Variants in FANCE observed in about 807,000 individuals in gnomAD.
The protein encoded by FANCE is FA complementation group E, also known as Fanconi anemia group E protein.
In FANCE, 42 loss-of-function variants were observed where a neutral mutation model predicts 57.8. The observed-to-expected ratio is 0.73, with a 90% CI of 0.57 to 0.94. The LOEUF is 0.94. Among genes scored for constraint, FANCE ranks in the 40% least tolerant of loss-of-function variants. FANCE has a pLI of 0.00. For missense variants in FANCE, 608 were observed against 661.8 expected, an observed-to-expected ratio of 0.92 and a Z score of 0.89; for synonymous variants, 251 against 286.4, an observed-to-expected ratio of 0.88 and a Z score of 1.25.
In FANCE at chr6:35,459,694, CAG is replaced by C. The variant is rs1258879701; in HGVS notation, c.1253_1254del (p.Glu418ValfsTer49). ...GTCCTCTACCCAGGTCCTGCTCAAA[CAG>C]AGTTACTGTGTTGCCTTGTGAAGAT... On this transcript the variant is annotated frameshift_variant, in exon 7 of 10. Transcript: ENST00000229769. LOFTEE classifies it high-confidence loss of function. 6.2e-7 allele frequency: 1 copy of C among 1,614,190 alleles called. No individual in the cohort carries two copies. Among genetic ancestry groups the C allele is most frequent in the South Asian group, 1.1e-5 (1 of 91,082 alleles).
In FANCE at chr6:35,456,943, G is replaced by A. The variant is rs1011762798; in HGVS notation, c.855+590G>A. On this transcript the variant is annotated intron_variant, in intron 2 of 9. Coordinates refer to ENST00000229769, the MANE Select transcript of FANCE (RefSeq NM_021922.3). The surrounding 1 kb of genome is among the most constrained non-coding windows in gnomAD (Gnocchi z 4.3). The stretch of plus-strand genomic sequence containing the variant: ...GCTCTGGAGCCACCCCTGCTACCCC[G>A]TCATATGTGGGTGGGAAGAATCATG... Among the ~76,000 whole-genome samples the A allele has an allele frequency of 2.6e-5, 4 of 152,138 alleles. No individual in the cohort carries two copies. The highest frequency in any genetic ancestry group is 2.9e-5 in the Non-Finnish European group (2 of 68,010).
Position 35,456,183 on chromosome 6 carries a change from C to T in FANCE, c.685C>T (p.His229Tyr), listed in dbSNP as rs142737128. The T allele has an allele frequency of 1.2e-6, 2 of 1,614,142 alleles. No homozygotes were observed. The highest frequency in any genetic ancestry group is 2.7e-5 in the African/African-American group (2 of 75,038). ...ACGGTGTTGGGAAGAGGAAGAAGAT[C>T]ATGAGAAGGAGAGACCCGAACATAA... ...RLRCWEEEED[H>Y]EKERPEHKSL... The change falls in exon 2 of 10, where the codon CAT becomes TAT. Residue 229 changes from histidine to tyrosine, a missense_variant. By Grantham distance (83) the His-to-Tyr change is moderately conservative. Transcript: ENST00000229769. This position sits in a 1 kb window ranked among gnomAD's most constrained non-coding sequence, Gnocchi z 4.3.
Position 35,458,359 on chromosome 6 carries a change from C to G in FANCE, c.1032C>G (p.Leu344=), listed in dbSNP as rs1581702844. 1 of 1,614,214 alleles carries G rather than the reference C, an allele frequency of 6.2e-7. No individual in the cohort carries two copies. The highest frequency in any genetic ancestry group is 8.5e-7 in the Non-Finnish European group (1 of 1,180,032). Residue 344 remains leucine (L), a synonymous_variant, in exon 5 of 10, where the codon CTC becomes CTG. Transcript: ENST00000229769. ...TCTCAGACCTCGGTCTCCTGCGGCT[C>G]TGCACCTGGCTGCTGGCCCTTTCAC... The part of the protein sequence containing the change: ...PQLSDLGLLR[L]CTWLLALSPD...
chr6:35,462,452 C>T (rs1036596168), intron 8 of FANCE, among the ~76,000 whole-genome samples: 1 of 152,128 alleles, frequency 6.6e-6, no homozygotes, highest in African/African-American at 2.4e-5. Flanking sequence ...GGCAGTGTCT[C>T]TTGGGCCCTG....
chr6:35,462,110 A>AATT (rs374262698), intron 8 of FANCE, among the ~76,000 whole-genome samples: 1 of 115,786 alleles, frequency 8.6e-6, no homozygotes, highest in East Asian at 2.3e-4. Context: ...TAATAATAAT[A>AATT]ATTATTATTT....
At chr6:35,453,262 A>G (rs963518045) in intron 1 of FANCE, among the ~76,000 whole-genome samples, 2 of 152,162 alleles carry the variant, frequency 1.3e-5, no homozygotes, top group East Asian at 1.9e-4. Flanking sequence ...GTAACTGTGA[A>G]TCCATATTTT....
chr6:35,455,616 C>G, intron 1 of FANCE, 131 bp from the exon 2 acceptor site: 1 of 1,115,410 alleles, frequency 9.0e-7, no homozygotes, highest in South Asian at 1.2e-5. Flanking sequence ...TGGCCAACAT[C>G]CACTGACTCT....
Position 35,466,546 on chromosome 6 carries a change from G to A in FANCE, c.*201G>A. On this transcript the variant is annotated 3_prime_UTR_variant, in exon 10 of 10. Coordinates refer to ENST00000229769, the MANE Select transcript of FANCE (RefSeq NM_021922.3). ...GCAGGGAGGCTCCTGGGCTAAGGGA[G>A]CTCAGCTATATTTTCTTTTTCATTT... 3.4e-6 allele frequency: 2 copies of A among 595,464 alleles called. No homozygotes were observed. The allele number at this position is 595,464 out of a possible 1,614,324, so 36.9% of individuals were successfully genotyped here.
In FANCE at chr6:35,456,663, C is replaced by T. The variant is rs562800095; in HGVS notation, c.855+310C>T. Among the ~76,000 whole-genome samples, 3 of 152,162 alleles carry T rather than the reference C, an allele frequency of 2.0e-5. No homozygotes were observed. Among genetic ancestry groups the T allele is most frequent in the East Asian group, 1.9e-4 (1 of 5,174 alleles). ...CTGAGTAGCTGGGATTATAGGCATG[C>T]GCCACCACGCCCAGCTAATTTTGTA... On this transcript the variant is annotated intron_variant, in intron 2 of 9. Transcript: ENST00000229769. This position sits in a 1 kb window ranked among gnomAD's most constrained non-coding sequence, Gnocchi z 4.3.
Position 35,458,279 on chromosome 6 carries a change from C to G in FANCE, c.970-18C>G, listed in dbSNP as rs1376629458. On this transcript the variant is annotated intron_variant, in intron 4 of 9. Transcript: ENST00000229769. ...TGCATGTCCCGGTGTCCTCTCTCCCCCCGCACTCTGTAAGCAGATGGACTT... is the reference window on the plus strand; with the variant it reads ...TGCATGTCCCGGTGTCCTCTCTCCCGCCGCACTCTGTAAGCAGATGGACTT... The G allele has an allele frequency of 9.9e-6, 16 of 1,612,910 alleles. No individual in the cohort carries two copies. Among genetic ancestry groups the G allele is most frequent in the East Asian group, 2.2e-5 (1 of 44,896 alleles).
At chr6:35,463,298 C>G (rs1023537055) in intron 9 of FANCE, among the ~76,000 whole-genome samples, 1 of 150,650 alleles carries the variant, frequency 6.6e-6, no homozygotes, top group African/African-American at 2.5e-5. Context: ...GACTCCATCT[C>G]AAAAACAAAA....
intron 9 of FANCE, 124 bp from the exon 10 acceptor site, chr6:35,466,120 C>T: frequency 4.1e-6 from 3 of 740,530 alleles, no homozygotes; most frequent in Middle Eastern, 2.3e-4. Flanking sequence ...GATTAGATTG[C>T]TCAGGAGTCT....
At position 35,460,633 on chromosome 6, in the gene FANCE, C is replaced by G. The variant is rs1426965534; in HGVS notation, c.1383+15C>G. On this transcript the variant is annotated intron_variant, in intron 8 of 9. Transcript: ENST00000229769. ...TAGAGCGGCAGGTGAGCAGGCTGCC[C>G]TGGGGAAGAGTGGACAAAGAAGTGC... 1.2e-6 allele frequency: 2 copies of G among 1,612,102 alleles called. No individual in the cohort carries two copies. Among genetic ancestry groups the G allele is most frequent in the Non-Finnish European group, 1.7e-6 (2 of 1,178,600 alleles).
In FANCE at chr6:35,456,242, A is replaced by G. The variant is rs774688796; in HGVS notation, c.744A>G (p.Ala248=). Residue 248 remains alanine, a synonymous_variant, in exon 2 of 10, where the codon GCA becomes GCG. Coordinates refer to ENST00000229769, the MANE Select transcript of FANCE (RefSeq NM_021922.3). This position sits in a 1 kb window ranked among gnomAD's most constrained non-coding sequence, Gnocchi z 4.3. The part of the protein sequence containing the change: ...SLESLADGGS[A]SPIKDQPVMA... ...AATCCCTGGCAGATGGAGGAAGTGC[A>G]TCTCCTATTAAGGACCAGCCTGTCA... 14 of 1,614,114 alleles carry G rather than the reference A, an allele frequency of 8.7e-6. 1 individual carries two copies. Among genetic ancestry groups the G allele is most frequent in the Admixed American group, 1.7e-5 (1 of 60,010 alleles).
chr6:35,458,037 TTTTC>T, intron 4 of FANCE, 53 bp downstream of exon 4: 1 of 1,531,572 alleles, frequency 6.5e-7, no homozygotes, highest in Non-Finnish European at 9.0e-7. Context: ...TCCCTTATCT[TTTTC>T]TATTTAAGTT....
At chr6:35,458,982 C>T (rs1359401629) in intron 5 of FANCE, among the ~76,000 whole-genome samples, 6 of 151,962 alleles carry the variant, frequency 3.9e-5, no homozygotes, top group East Asian at 3.9e-4. Flanking sequence ...GGTTTCGCCA[C>T]GTTGCCCAGG....
At chr6:35,454,478 C>G (rs1007570810) in intron 1 of FANCE, among the ~76,000 whole-genome samples, 2 of 152,054 alleles carry the variant, frequency 1.3e-5, no homozygotes, top group African/African-American at 2.4e-5. Context: ...TCTGTGTTGA[C>G]AAACGGCCCT....
chr6:35,459,826 A>G (rs1767514817), intron 7 of FANCE, 66 bp downstream of exon 7: 2 of 1,418,062 alleles, frequency 1.4e-6, no homozygotes, highest in Non-Finnish European at 2.0e-6. Flanking sequence ...GTGACATCAC[A>G]TGTGTTGGGC....
chr6:35,454,286 T>G (rs983785846), intron 1 of FANCE, among the ~76,000 whole-genome samples: 15 of 152,150 alleles, frequency 9.9e-5, no homozygotes, highest in African/African-American at 3.6e-4. Flanking sequence ...GGTCTGGAAC[T>G]CCTGATCCAC....
Sources: gnomAD v4.1 joint callset for allele counts (sites outside exome capture counted in the v4.1 genomes callset) on GRCh38, gnomAD v4.1.1 for gene constraint, Gnocchi (gnomAD v3.1) non-coding constraint, MANE v1.5 for transcripts, NCBI Gene and HGNC (gene_info 2026-07-23, HGNC 2026-07-21) for gene names.